Variants in DLX1 observed in about 807,000 individuals in gnomAD.
DLX1 encodes the protein distal-less homeobox 1.
A neutral mutation model predicts 25.0 loss-of-function variants in DLX1; 7 were observed. That is an observed-to-expected ratio of 0.28 (90% CI 0.16 to 0.52). DLX1 has a LOEUF of 0.52. Among genes scored for constraint, DLX1 ranks in the 20% least tolerant of loss-of-function variants. DLX1 has a pLI of 0.96. For missense variants in DLX1, 233 were observed against 334.4 expected (o/e 0.70, Z 2.37); for synonymous variants, 155 against 140.3 (o/e 1.10, Z -0.74).
Position 172,085,829 on chromosome 2 carries a change from C to A in DLX1, c.152C>A (p.Ser51Ter). The change falls in exon 1 of 3, where the codon TCG (serine) becomes TAG (stop). Residue 51 changes from serine (S) to a stop codon, truncating the protein, a stop_gained. Coordinates refer to ENST00000361725, the MANE Select transcript of DLX1 (RefSeq NM_178120.5). LOFTEE classifies it high-confidence loss of function. The surrounding 1 kb of genome is among the most constrained non-coding windows in gnomAD (Gnocchi z 4.3). ...SMHCLHSAGH[S>*]QPDGAYSSAS... ...CACTGTTTACACTCGGCGGGCCATTCGCAGCCCGACGGCGCCTACAGCTCA... is the reference window on the plus strand; with the variant it reads ...CACTGTTTACACTCGGCGGGCCATTAGCAGCCCGACGGCGCCTACAGCTCA... The A allele has an allele frequency of 6.2e-7, 1 of 1,614,212 alleles. No individual in the cohort carries two copies. The highest frequency in any genetic ancestry group is 8.5e-7 in the Non-Finnish European group (1 of 1,180,046).
chr2:172,088,262 G>T lies in DLX1; in HGVS notation c.*5G>T, dbSNP rs201733130. ...CAGCAACCCCAACTTATGTGAGGTTGCCCGCCCGTCTCCTTCTTGTCTCCC... is the reference window on the plus strand; with the variant it reads ...CAGCAACCCCAACTTATGTGAGGTTTCCCGCCCGTCTCCTTCTTGTCTCCC... On this transcript the variant is annotated 3_prime_UTR_variant, in exon 3 of 3. Transcript: ENST00000361725. 1.4e-6 allele frequency: 2 copies of T among 1,457,896 alleles called. No individual in the cohort carries two copies. The highest frequency in any genetic ancestry group is 5.4e-5 in the East Asian group (2 of 37,070). The allele number at this position is 1,457,896 out of a possible 1,614,324, so 90.3% of individuals were successfully genotyped here. A position where few individuals can be genotyped will look rare whatever the true frequency, so the allele number is the denominator to read the frequency against.
At position 172,086,869 on chromosome 2, in the gene DLX1, C is replaced by A. The variant is rs568664650; in HGVS notation, c.513+16C>A. 2 of 1,614,066 alleles carry A rather than the reference C, an allele frequency of 1.2e-6. No individual in the cohort carries two copies. The highest frequency in any genetic ancestry group is 2.7e-5 in the African/African-American group (2 of 75,066). On this transcript the variant is annotated intron_variant, in intron 2 of 2. Coordinates refer to ENST00000361725, the MANE Select transcript of DLX1 (RefSeq NM_178120.5). ...ACAGACTCAGGTACCTCGCCGCTGC[C>A]GCTCCGTTCTGCCACGCAGGCTTTC... is the stretch of plus-strand genomic sequence containing the variant.
intron 2 of DLX1, chr2:172,087,350 C>T (rs1690863443): frequency 2.7e-6 from 1 of 370,908 alleles, no homozygotes; most frequent in African/African-American, 2.1e-5. Context: ...ACGGGACCTT[C>T]CTTCCCGGCT....
Position 172,088,349 on chromosome 2 carries a change from G to A in DLX1, c.*92G>A. On this transcript the variant is annotated 3_prime_UTR_variant, in exon 3 of 3. Coordinates refer to ENST00000361725, the MANE Select transcript of DLX1 (RefSeq NM_178120.5). ...CCGTCCGGAAAAGAAGGACCCAGAG[G>A]GAAGAAGGAACAGTGGAGGCGGGAC... 1 of 1,385,188 alleles carries A rather than the reference G, an allele frequency of 7.2e-7. No homozygotes were observed. The highest frequency in any genetic ancestry group is 1.8e-5 in the South Asian group (1 of 56,738). The allele number at this position is 1,385,188 out of a possible 1,614,324, so 85.8% of individuals were successfully genotyped here.
Position 172,085,757 on chromosome 2 carries a change from A to C in DLX1, c.80A>C (p.Asn27Thr), listed in dbSNP as rs1249056203. 22 of 1,613,980 alleles carry C rather than the reference A, an allele frequency of 1.4e-5. No individual in the cohort carries two copies. The highest frequency in any genetic ancestry group is 1.8e-5 in the Non-Finnish European group (21 of 1,180,020). ...GTGTTTATGGAGTTTGGGCCGCCCA[A>C]CCAGCAAATGTCTCCTTCTCCCATG... is the stretch of plus-strand genomic sequence containing the variant. ...KAVFMEFGPP[N>T]QQMSPSPMSH... The change falls in exon 1 of 3, where the codon AAC becomes ACC. Residue 27 changes from asparagine (N) to threonine (T), a missense_variant. By Grantham distance (65) the Asn-to-Thr change is moderately conservative. This residue lies in a region of DLX1 where 126 missense variants were observed against 170.4 expected (regional missense o/e 0.74). Transcript: ENST00000361725. The surrounding 1 kb of genome is among the most constrained non-coding windows in gnomAD (Gnocchi z 4.3).
chr2:172,087,933 T>G, intron 2 of DLX1, 70 bp from the exon 3 acceptor site: 1 of 1,503,538 alleles, frequency 6.7e-7, no homozygotes, highest in Non-Finnish European at 8.9e-7. Context: ...TGCGGTCCCT[T>G]TTTTCCTCCC....
Position 172,088,530 on chromosome 2 carries a change from A to G in DLX1, c.*273A>G. On this transcript the variant is annotated 3_prime_UTR_variant, in exon 3 of 3. Coordinates refer to ENST00000361725, the MANE Select transcript of DLX1 (RefSeq NM_178120.5). ...TGAGACAGCCCAAGCAGCAAGATAAACCCGCTCCACCCGACCCGCCGACCT... is the reference window on the plus strand; with the variant it reads ...TGAGACAGCCCAAGCAGCAAGATAAGCCCGCTCCACCCGACCCGCCGACCT... The G allele has an allele frequency of 2.6e-6, 1 of 377,674 alleles. No individual in the cohort carries two copies. Among genetic ancestry groups the G allele is most frequent in the Non-Finnish European group, 4.7e-6 (1 of 213,466 alleles). 23.4% of individuals were successfully genotyped at this position (377,674 alleles called of 1,614,324 possible). A position where few individuals can be genotyped will look rare whatever the true frequency, so the allele number is the denominator to read the frequency against.
rs766492924 is a variant in DLX1, at chr2:172,088,300, C to T, written c.*43C>T. ...CTTCTTGTCTCCCCGGCCCAGGTCCCTCCCGCCTCCAGGTCCATCCATCCC... is the reference window on the plus strand; with the variant it reads ...CTTCTTGTCTCCCCGGCCCAGGTCCTTCCCGCCTCCAGGTCCATCCATCCC... On this transcript the variant is annotated 3_prime_UTR_variant, in exon 3 of 3. Transcript: ENST00000361725. 2 of 1,416,576 alleles carry T rather than the reference C, an allele frequency of 1.4e-6. No homozygotes were observed. Among genetic ancestry groups the T allele is most frequent in the Non-Finnish European group, 1.9e-6 (2 of 1,077,402 alleles). The allele number at this position is 1,416,576 out of a possible 1,614,324, so 87.8% of individuals were successfully genotyped here.
rs1559027896 is a variant in DLX1, at chr2:172,085,780, A to G, written c.103A>G (p.Met35Val). The change falls in exon 1 of 3, where the codon ATG (methionine) becomes GTG (valine). Residue 35 changes from methionine (M) to valine (V), a missense_variant. Met to Val is a conservative substitution (Grantham distance 21). Transcript: ENST00000361725. The surrounding 1 kb of genome is among the most constrained non-coding windows in gnomAD (Gnocchi z 4.3). ...PPNQQMSPSP[M>V]SHGHYSMHCL... The stretch of plus-strand genomic sequence containing the variant: ...CAACCAGCAAATGTCTCCTTCTCCC[A>G]TGTCCCACGGGCACTACTCCATGCA... 2.5e-6 allele frequency: 4 copies of G among 1,614,148 alleles called. No homozygotes were observed. In the Admixed American group the frequency reaches 5.0e-5, roughly 20 times the overall value.
chr2:172,087,288 A>G (rs1574156233), intron 2 of DLX1: 1 of 375,156 alleles, frequency 2.7e-6, no homozygotes, highest in Non-Finnish European at 5.2e-6. Flanking sequence ...GGGTGGGGGG[A>G]GATCCTTTCC....
Position 172,087,068 on chromosome 2 carries a change from C to G in DLX1, c.513+215C>G, listed in dbSNP as rs1487811905. 7 of 715,774 alleles carry G rather than the reference C, an allele frequency of 9.8e-6. No individual in the cohort carries two copies. In the East Asian group the frequency reaches 1.9e-4, roughly 19 times the overall value. The allele number at this position is 715,774 out of a possible 1,614,324, so 44.3% of individuals were successfully genotyped here. On this transcript the variant is annotated intron_variant, in intron 2 of 2. Coordinates refer to ENST00000361725, the MANE Select transcript of DLX1 (RefSeq NM_178120.5). Reference sequence around the variant, plus strand: ...TCGGTATCCCGAGCTGCCTGCCGTCCGGCCCTCTGTCCCTGGACAATCTGA... The same window carrying G: ...TCGGTATCCCGAGCTGCCTGCCGTCGGGCCCTCTGTCCCTGGACAATCTGA...
rs749576408 is a variant in DLX1 at position 172,085,662 on chromosome 2, G to C, written c.-16G>C. 71 of 1,606,556 alleles carry C rather than the reference G, an allele frequency of 4.4e-5. No individual in the cohort carries two copies. Among genetic ancestry groups the C allele is most frequent in the Non-Finnish European group, 5.8e-5 (68 of 1,176,220 alleles). The stretch of plus-strand genomic sequence containing the variant: ...CAGAGGAGAGAAAGTCCCACACCCA[G>C]ACCCCGCGAGAAGAGATGACCATGA... On this transcript the variant is annotated 5_prime_UTR_variant, in exon 1 of 3. Coordinates refer to ENST00000361725, the MANE Select transcript of DLX1 (RefSeq NM_178120.5). The surrounding 1 kb of genome is among the most constrained non-coding windows in gnomAD (Gnocchi z 4.3).
Position 172,089,557 on chromosome 2 carries a change from A to G in DLX1, c.*1300A>G, listed in dbSNP as rs1273244531. On this transcript the variant is annotated 3_prime_UTR_variant, in exon 3 of 3. Coordinates refer to ENST00000361725, the MANE Select transcript of DLX1 (RefSeq NM_178120.5). ...AAATCAACTGTGTTTTGTGTTCTCT[A>G]TGTCAAAGTTTAGTTTTATATTGAG... The G allele has an allele frequency of 1.3e-5, 2 of 152,666 alleles. No homozygotes were observed. The highest frequency in any genetic ancestry group is 2.9e-5 in the Non-Finnish European group (2 of 68,034). 9.5% of individuals were successfully genotyped at this position (152,666 alleles called of 1,614,324 possible). A position where few individuals can be genotyped will look rare whatever the true frequency, so the allele number is the denominator to read the frequency against.
Position 172,085,580 on chromosome 2 carries a change from C to A in DLX1, c.-98C>A, listed in dbSNP as rs1364299638. ...TGAATGGAAAGTGAAAACCCCTGTT[C>A]CGCTTAAATTGGGTTCCTTCCTGTC... On this transcript the variant is annotated 5_prime_UTR_variant, in exon 1 of 3. Coordinates refer to ENST00000361725, the MANE Select transcript of DLX1 (RefSeq NM_178120.5). The surrounding 1 kb of genome is among the most constrained non-coding windows in gnomAD (Gnocchi z 4.3). 7 of 1,278,322 alleles carry A rather than the reference C, an allele frequency of 5.5e-6. No homozygotes were observed. Among genetic ancestry groups the A allele is most frequent in the Non-Finnish European group, 7.6e-6 (7 of 917,994 alleles). 79.2% of individuals were successfully genotyped at this position (1,278,322 alleles called of 1,614,324 possible).
Position 172,088,408 on chromosome 2 carries a change from GC to G in DLX1, c.*154del. On this transcript the variant is annotated 3_prime_UTR_variant, in exon 3 of 3. Transcript: ENST00000361725. ...TCTCCTCGGAGCCCCGCGAGGTCCG[GC>G]CCAGCAACTTCCCGGCATCCGCGCT... 9.5e-7 allele frequency: 1 copy of G among 1,055,140 alleles called. No homozygotes were observed. The highest frequency in any genetic ancestry group is 1.3e-6 in the Non-Finnish European group (1 of 797,738). The allele number at this position is 1,055,140 out of a possible 1,614,324, so 65.4% of individuals were successfully genotyped here. A position where few individuals can be genotyped will look rare whatever the true frequency, so the allele number is the denominator to read the frequency against.
In DLX1 at chr2:172,085,771, C is replaced by G; in HGVS notation, c.94C>G (p.Pro32Ala). 6.2e-7 allele frequency: 1 copy of G among 1,614,216 alleles called. No individual in the cohort carries two copies. The highest frequency in any genetic ancestry group is 8.5e-7 in the Non-Finnish European group (1 of 1,180,052). The change falls in exon 1 of 3, where the codon CCT becomes GCT. Residue 32 changes from proline (P) to alanine (A), a missense_variant. By Grantham distance (27) the Pro-to-Ala change is conservative. Transcript: ENST00000361725. The surrounding 1 kb of genome is among the most constrained non-coding windows in gnomAD (Gnocchi z 4.3). Reference protein sequence around the residue: ...EFGPPNQQMSPSPMSHGHYSM... With the variant: ...EFGPPNQQMSASPMSHGHYSM... ...TGGGCCGCCCAACCAGCAAATGTCT[C>G]CTTCTCCCATGTCCCACGGGCACTA...
chr2:172,085,622 C>A lies in DLX1; in HGVS notation c.-56C>A, dbSNP rs751401731. On this transcript the variant is annotated 5_prime_UTR_variant, in exon 1 of 3. Coordinates refer to ENST00000361725, the MANE Select transcript of DLX1 (RefSeq NM_178120.5). This position sits in a 1 kb window ranked among gnomAD's most constrained non-coding sequence, Gnocchi z 4.3. Reference sequence around the variant, plus strand: ...CTTCCTGTCCTGAGAAACATAGAGACCCCCAAAAGGGAAGCAGAGGAGAGA... The same window carrying A: ...CTTCCTGTCCTGAGAAACATAGAGAACCCCAAAAGGGAAGCAGAGGAGAGA... 2 of 1,545,528 alleles carry A rather than the reference C, an allele frequency of 1.3e-6. No individual in the cohort carries two copies. The highest frequency in any genetic ancestry group is 2.2e-5 in the East Asian group (1 of 44,534).
chr2:172,086,458 C>T (rs546332023), intron 1 of DLX1, 196 bp from the exon 2 acceptor site: 142 of 528,886 alleles, frequency 2.7e-4, no homozygotes, highest in South Asian at 2.1e-3. Flanking sequence ...CTCCTGGGAA[C>T]GGCTCTATCC....
At chr2:172,087,143 G>A (rs1231728569) in intron 2 of DLX1, 2 of 652,462 alleles carry the variant, frequency 3.1e-6, no homozygotes, top group East Asian at 3.2e-5. Context: ...GAACTCAGAG[G>A]TCACACGTGC....
Sources: gnomAD v4.1 joint callset for allele counts on GRCh38, gnomAD v4.1.1 for gene constraint, gnomAD v4.1.1 regional missense constraint, Gnocchi (gnomAD v3.1) non-coding constraint, MANE v1.5 for transcripts, NCBI Gene and HGNC (gene_info 2026-07-23, HGNC 2026-07-21) for gene names.